RNGTT: variants seen among roughly 807,000 people sequenced by gnomAD.
The protein encoded by RNGTT is mRNA-capping enzyme.
RNGTT carries 33 observed loss-of-function variants against 79.3 expected under a neutral mutation model. The ratio of observed to expected loss-of-function variants is 0.42; its 90% CI spans 0.32 to 0.56. RNGTT has a LOEUF of 0.56. Ranked by LOEUF, RNGTT falls within the 20% of genes least tolerant of loss-of-function variation. The pLI is 0.17. For synonymous variants in RNGTT, 222 were observed against 235.9 expected, an observed-to-expected ratio of 0.94 and a Z score of 0.54; for missense variants, 497 against 739.1, an observed-to-expected ratio of 0.67 and a Z score of 3.80.
At chr6:88,661,622 G>A (rs1053738921) in intron 14 of RNGTT, among the ~76,000 whole-genome samples, 13 of 152,046 alleles carry the variant, frequency 8.6e-5, no homozygotes, top group Admixed American at 1.3e-4. Flanking sequence ...GATTAAACCA[G>A]GAAGAAACAG....
intron 14 of RNGTT, among the ~76,000 whole-genome samples, chr6:88,620,989 T>C (rs1319365732): frequency 6.6e-6 from 1 of 152,230 alleles, no homozygotes; most frequent in Non-Finnish European, 1.5e-5. Context: ...GTATGCTCTT[T>C]AACACATGCT....
At chr6:88,882,971 A>C (rs1035058025) in intron 8 of RNGTT, among the ~76,000 whole-genome samples, 2 of 152,160 alleles carry the variant, frequency 1.3e-5, no homozygotes, top group African/African-American at 4.8e-5. Flanking sequence ...GCACAAATGA[A>C]CTAAGATACT....
intron 11 of RNGTT, among the ~76,000 whole-genome samples, chr6:88,824,815 G>A (rs367829528): frequency 2.1e-4 from 32 of 150,026 alleles, no homozygotes; most frequent in African/African-American, 6.9e-4. Flanking sequence ...GCAGTGGTGC[G>A]ATCTCGGCTC....
At chr6:88,762,621 T>C (rs1371264138) in intron 13 of RNGTT, among the ~76,000 whole-genome samples, 5 of 152,234 alleles carry the variant, frequency 3.3e-5, no homozygotes, top group African/African-American at 4.8e-5. Flanking sequence ...CACAGCATAC[T>C]GCTTTTCTGC....
intron 13 of RNGTT, among the ~76,000 whole-genome samples, chr6:88,729,682 T>C (rs570873031): frequency 4.5e-4 from 68 of 152,190 alleles, no homozygotes; most frequent in African/African-American, 1.6e-3. Flanking sequence ...CTTGGGAAAA[T>C]TGTGATAGGC....
intron 11 of RNGTT, among the ~76,000 whole-genome samples, chr6:88,839,627 G>A (rs1781199702): frequency 6.6e-6 from 1 of 152,048 alleles, no homozygotes; most frequent in African/African-American, 2.4e-5. Flanking sequence ...AAATAAATGT[G>A]TTTATTTATT....
At chr6:88,785,489 A>AG (rs151017032) in intron 12 of RNGTT, among the ~76,000 whole-genome samples, 3,384 of 152,240 alleles carry the variant, frequency 0.022, 109 homozygotes, top group African/African-American at 0.077. Context: ...AAGATGAACA[A>AG]GGAAAAAAAA....
chr6:88,719,392 G>A (rs912227904), intron 13 of RNGTT, among the ~76,000 whole-genome samples: 1 of 152,074 alleles, frequency 6.6e-6, no homozygotes. Context: ...CTGCAACTTT[G>A]AACTGAAATA....
At chr6:88,894,463 AT>A (rs1470490447) in intron 6 of RNGTT, among the ~76,000 whole-genome samples, 2 of 152,242 alleles carry the variant, frequency 1.3e-5, no homozygotes, top group Non-Finnish European at 2.9e-5. Context: ...GCCTAGCCTC[AT>A]CCCTACCTTG....
chr6:88,838,404 G>T (rs1317369911), intron 11 of RNGTT, among the ~76,000 whole-genome samples: 2 of 152,014 alleles, frequency 1.3e-5, no homozygotes, highest in Admixed American at 6.6e-5. Flanking sequence ...ATTGAGTTTA[G>T]CAAGACTGTA....
chr6:88,812,637 T>A (rs1402816213), intron 11 of RNGTT, among the ~76,000 whole-genome samples: 2 of 152,162 alleles, frequency 1.3e-5, no homozygotes, highest in African/African-American at 4.8e-5. Context: ...TGCCAGGCCA[T>A]AACCTGAACT....
At chr6:88,894,674 C>T (rs1431714892) in intron 6 of RNGTT, among the ~76,000 whole-genome samples, 1 of 152,192 alleles carries the variant, frequency 6.6e-6, no homozygotes, top group Non-Finnish European at 1.5e-5. Flanking sequence ...AAGTCTACAG[C>T]TGACTACCTT....
chr6:88,817,828 C>T (rs1052407020), intron 11 of RNGTT, among the ~76,000 whole-genome samples: 1 of 134,990 alleles, frequency 7.4e-6, no homozygotes. Context: ...GGCGCCATCT[C>T]GGCTCACTGC....
chr6:88,696,217 C>T lies in RNGTT; in HGVS notation c.1440-17798G>A, dbSNP rs143872495. Among the ~76,000 whole-genome samples, 781 of 152,224 alleles carry T rather than the reference C, an allele frequency of 5.1e-3. 6 individuals are homozygous for T. The highest frequency in any genetic ancestry group is 0.017 in the African/African-American group (709 of 41,558). Reference sequence around the variant, plus strand: ...TGTCAATTAGCTTGGTTTAATAATTCTACTTTGTATACATATAACATCACT... The same window carrying T: ...TGTCAATTAGCTTGGTTTAATAATTTTACTTTGTATACATATAACATCACT... On this transcript the variant is annotated intron_variant, in intron 13 of 15. Coordinates refer to ENST00000369485, the MANE Select transcript of RNGTT (RefSeq NM_003800.5).
intron 13 of RNGTT, among the ~76,000 whole-genome samples, chr6:88,724,381 T>C (rs529245151): frequency 3.1e-4 from 47 of 152,326 alleles, no homozygotes; most frequent in African/African-American, 1.0e-3. Context: ...GTAAATACAA[T>C]TGTGTTACAA....
chr6:88,844,629 C>G, intron 10 of RNGTT, 108 bp from the exon 11 acceptor site: 3 of 1,055,060 alleles, frequency 2.8e-6, no homozygotes, highest in Non-Finnish European at 4.1e-6. Flanking sequence ...ACAGCATCCT[C>G]TGGAGTTATT....
At chr6:88,700,522 T>C (rs1403368884) in intron 13 of RNGTT, among the ~76,000 whole-genome samples, 1 of 152,180 alleles carries the variant, frequency 6.6e-6, no homozygotes, top group South Asian at 2.1e-4. Context: ...TCTTCCATTA[T>C]GCCAGTTAAT....
chr6:88,624,935 A>C (rs1380601177), intron 14 of RNGTT, among the ~76,000 whole-genome samples: 1 of 151,976 alleles, frequency 6.6e-6, no homozygotes, highest in African/African-American at 2.4e-5. Flanking sequence ...TTTACCAAAG[A>C]AGCTATATAG....
chr6:88,745,053 G>A lies in RNGTT; in HGVS notation c.1439+24721C>T, dbSNP rs73496476. ...AACACTGCAGTGATAATTTTTGCAC[G>A]CAGGATCTGCTAATAGAAGCTACAA... On this transcript the variant is annotated intron_variant, in intron 13 of 15. Coordinates refer to ENST00000369485, the MANE Select transcript of RNGTT (RefSeq NM_003800.5). 8.1e-3 allele frequency among the ~76,000 whole-genome samples: 1,239 copies of A among 152,160 alleles called. 20 individuals are homozygous for A. Among genetic ancestry groups the A allele is most frequent in the African/African-American group, 0.029 (1,188 of 41,514 alleles).
Sources: gnomAD v4.1 joint callset for allele counts (sites outside exome capture counted in the v4.1 genomes callset) on GRCh38, gnomAD v4.1.1 for gene constraint, MANE v1.5 for transcripts, NCBI Gene and HGNC (gene_info 2026-07-23, HGNC 2026-07-21) for gene names.